Variants in AP4S1 observed in about 807,000 individuals in gnomAD.
The protein encoded by AP4S1 is adaptor related protein complex 4 subunit sigma 1.
Under a neutral mutation model 19.8 loss-of-function variants are expected in AP4S1, and 23 were observed. The ratio of observed to expected loss-of-function variants is 1.16; its 90% confidence interval spans 0.84 to 1.65. The LOEUF is 1.65. AP4S1 is among the 40% of genes most tolerant of loss of function. The pLI, the probability that AP4S1 is intolerant of heterozygous loss-of-function variation, is 0.00. For missense variants in AP4S1, 166 were observed against 172.8 expected, an observed-to-expected ratio of 0.96 and a Z score of 0.22; for synonymous variants, 46 against 54.1, an observed-to-expected ratio of 0.85 and a Z score of 0.66.
intron 1 of AP4S1, among the ~76,000 whole-genome samples, chr14:31,051,255 C>CA (rs1187415787): frequency 0.048 from 5,419 of 113,792 alleles, 115 homozygotes; most frequent in African/African-American, 0.054. Context: ...AACCGTGTCT[C>CA]AAAAAAAAAA....
chr14:31,081,583 A>G (rs949483728), intron 5 of AP4S1, among the ~76,000 whole-genome samples: 2 of 152,226 alleles, frequency 1.3e-5, no homozygotes, highest in Admixed American at 6.5e-5. Context: ...AAATCTACCT[A>G]CCACTTGAGT....
At chr14:31,026,065 C>T (rs1312688500) in intron 1 of AP4S1, 1 of 1,519,762 alleles carries the variant, frequency 6.6e-7, no homozygotes. Context: ...GGAGGACCCC[C>T]GCCGCCCGCC....
intron 5 of AP4S1, among the ~76,000 whole-genome samples, chr14:31,089,463 A>G (rs11844541): frequency 0.022 from 3,424 of 152,326 alleles, 121 homozygotes; most frequent in African/African-American, 0.078. Context: ...AGAGTTAGAA[A>G]TTGTAGTTTC....
chr14:31,081,848 G>GTA (rs1887654405), intron 5 of AP4S1, among the ~76,000 whole-genome samples: 1 of 151,534 alleles, frequency 6.6e-6, no homozygotes, highest in Non-Finnish European at 1.5e-5. Flanking sequence ...TGTCTGATGT[G>GTA]TATATATATG....
At chr14:31,080,908 C>T (rs960389541) in intron 5 of AP4S1, among the ~76,000 whole-genome samples, 1 of 152,196 alleles carries the variant, frequency 6.6e-6, no homozygotes, top group African/African-American at 2.4e-5. Context: ...AAGTATTCTC[C>T]TGCCTCAGCC....
rs182838369 is a variant in AP4S1, at chr14:31,092,534, A to G, written c.307-373A>G. On this transcript the variant is annotated intron_variant, in intron 5 of 5. Transcript: ENST00000542754. The stretch of plus-strand genomic sequence containing the variant: ...TGTCTGGAACGGGAGTATTCAACAA[A>G]TCGTTGCTACTGTTACTATTATTGT... Among the ~76,000 whole-genome samples the G allele has an allele frequency of 1.0e-3, 159 of 152,198 alleles. 1 individual carries two copies. The highest frequency in any genetic ancestry group is 3.2e-3 in the African/African-American group (133 of 41,506).
At chr14:31,031,388 G>A (rs1884378906) in intron 1 of AP4S1, among the ~76,000 whole-genome samples, 1 of 152,106 alleles carries the variant, frequency 6.6e-6, no homozygotes, top group African/African-American at 2.4e-5. Flanking sequence ...GTTCAAAACT[G>A]TACCCCAAGA....
rs563374515 is a variant in AP4S1, at chr14:31,089,746, G to A, written c.307-3161G>A. Among the ~76,000 whole-genome samples, 8 of 152,110 alleles carry A rather than the reference G, an allele frequency of 5.3e-5. No individual in the cohort carries two copies. In the East Asian group the frequency reaches 9.8e-4, roughly 19 times the overall value. Reference sequence around the variant, plus strand: ...AGCCTGGCCAACATGGCAAAACCTCGTCTCTACTAAAGATACAAAAAAACT... The same window carrying A: ...AGCCTGGCCAACATGGCAAAACCTCATCTCTACTAAAGATACAAAAAAACT... On this transcript the variant is annotated intron_variant, in intron 5 of 5. Coordinates refer to ENST00000542754, the MANE Select transcript of AP4S1 (RefSeq NM_001128126.3).
chr14:31,049,428 A>AAAATATATAT (rs1384450221), intron 1 of AP4S1, among the ~76,000 whole-genome samples: 7 of 57,738 alleles, frequency 1.2e-4, no homozygotes, highest in African/African-American at 5.5e-4. Flanking sequence ...AAAAAAAAAA[A>AAAATATATAT]ATATATATAT....
rs71905676 is a variant in AP4S1, at chr14:31,032,071, CA to C, written c.-72+6304del. On this transcript the variant is annotated intron_variant, in intron 1 of 5. Coordinates refer to ENST00000542754, the MANE Select transcript of AP4S1 (RefSeq NM_001128126.3). Reference sequence around the variant, plus strand: ...TGGATGATAGAGTGAGACCTTGTCCCAAAAAAAAAAAAAAAAAAAAGAAAAA... The same window carrying C: ...TGGATGATAGAGTGAGACCTTGTCCCAAAAAAAAAAAAAAAAAAAGAAAAA... Among the ~76,000 whole-genome samples the C allele has an allele frequency of 5.5e-3, 613 of 110,630 alleles. 1 individual carries two copies. The highest frequency in any genetic ancestry group is 0.034 in the Middle Eastern group (7 of 204). 72.6% of individuals were successfully genotyped at this position (110,630 alleles called of 152,430 possible).
intron 1 of AP4S1, among the ~76,000 whole-genome samples, chr14:31,053,621 A>G (rs1320158630): frequency 4.6e-5 from 2 of 43,544 alleles, no homozygotes; most frequent in Non-Finnish European, 8.1e-5. Flanking sequence ...TTTTTTTTGT[A>G]GAGACAGTGT....
At chr14:31,071,051 C>CA (rs201710948) in intron 3 of AP4S1, among the ~76,000 whole-genome samples, 132 of 143,264 alleles carry the variant, frequency 9.2e-4, no homozygotes, top group Non-Finnish European at 1.1e-3. Context: ...GACTCCATCT[C>CA]AAAAAAAAAA....
chr14:31,079,984 TATAC>T (rs1489883381), intron 4 of AP4S1, among the ~76,000 whole-genome samples: 2 of 152,190 alleles, frequency 1.3e-5, no homozygotes, highest in African/African-American at 4.8e-5. Flanking sequence ...CTTTGACCTT[TATAC>T]ATACATACAT....
chr14:31,040,917 A>G (rs991047623), intron 1 of AP4S1, among the ~76,000 whole-genome samples: 7 of 151,814 alleles, frequency 4.6e-5, no homozygotes, highest in Non-Finnish European at 1.0e-4. Flanking sequence ...TACTAAAAAT[A>G]CAAAAAATTA....
chr14:31,025,380 G>A (rs1480498580), upstream of AP4S1: 1 of 168,184 alleles, frequency 5.9e-6, no homozygotes, highest in Non-Finnish European at 1.3e-5. Flanking sequence ...AGCAGCCCAG[G>A]AAAGAAGCGT....
At chr14:31,061,669 A>T in intron 1 of AP4S1, among the ~76,000 whole-genome samples, 1 of 150,006 alleles carries the variant, frequency 6.7e-6, no homozygotes, top group African/African-American at 2.5e-5. Context: ...TTTGAGATGG[A>T]GTCTCGCTCT....
chr14:31,064,941 G>A (rs1886634793), intron 1 of AP4S1, among the ~76,000 whole-genome samples: 1 of 152,206 alleles, frequency 6.6e-6, no homozygotes. Context: ...GTGACAGAGC[G>A]AGGCCCTATC....
chr14:31,084,949 T>G, intron 5 of AP4S1: 1 of 1,611,162 alleles, frequency 6.2e-7, no homozygotes, highest in Non-Finnish European at 8.5e-7. Flanking sequence ...TTCAAATCAG[T>G]GCGTACCTGC....
chr14:31,049,444 T>C lies in AP4S1; in HGVS notation c.-71-16682T>C, dbSNP rs1227516385. ...AAAAAAAAAAATATATATATATATA[T>C]ATATATATATATATATATGTATATA... is the stretch of plus-strand genomic sequence containing the variant. On this transcript the variant is annotated intron_variant, in intron 1 of 5. Transcript: ENST00000542754. Among the ~76,000 whole-genome samples the C allele has an allele frequency of 4.9e-4, 33 of 67,000 alleles. 2 individuals are homozygous for C. Among genetic ancestry groups the C allele is most frequent in the East Asian group, 4.2e-3 (12 of 2,826 alleles). The allele number at this position is 67,000 out of a possible 152,430, so 44.0% of individuals were successfully genotyped here.
Sources: allele counts gnomAD v4.1 joint callset (sites outside exome capture counted in the v4.1 genomes callset), GRCh38; gene constraint gnomAD v4.1.1; transcripts MANE v1.5; gene names NCBI Gene and HGNC (gene_info 2026-07-23, HGNC 2026-07-21).